The following VPS45 variants were observed in gnomAD, a reference collection of about 807,000 sequenced individuals.
VPS45 encodes vacuolar protein sorting-associated protein 45.
A neutral mutation model predicts 75.9 loss-of-function variants in VPS45; 35 were observed. The ratio of observed to expected loss-of-function variants is 0.46; its 90% CI spans 0.35 to 0.61. VPS45 has a LOEUF of 0.61. Among genes scored for constraint, VPS45 ranks in the 20% least tolerant of loss-of-function variants. The pLI is 0.00. For missense variants in VPS45, 559 were observed against 685.9 expected, an observed-to-expected ratio of 0.81 and a Z score of 2.07; for synonymous variants, 220 against 238.2, an observed-to-expected ratio of 0.92 and a Z score of 0.70.
intron 10 of VPS45, among the ~76,000 whole-genome samples, chr1:150,091,416 A>C (rs1160230180): frequency 3.9e-5 from 6 of 152,206 alleles, no homozygotes; most frequent in African/African-American, 1.4e-4. Flanking sequence ...AAAATCATTA[A>C]GTACTAAATC....
chr1:150,081,663 A>G (rs1655718249), intron 8 of VPS45, among the ~76,000 whole-genome samples, 187 bp downstream of exon 8: 2 of 152,178 alleles, frequency 1.3e-5, no homozygotes, highest in South Asian at 4.1e-4. Flanking sequence ...ATTTTTTTTC[A>G]TAGAGATCAC....
At chr1:150,101,965 G>A (rs782254525) in intron 13 of VPS45, among the ~76,000 whole-genome samples, 2 of 151,958 alleles carry the variant, frequency 1.3e-5, no homozygotes, top group African/African-American at 2.4e-5. Flanking sequence ...AGCTGGACAC[G>A]GTGGCTCACG....
intron 14 of VPS45, among the ~76,000 whole-genome samples, chr1:150,128,353 A>T (rs958347902): frequency 2.0e-5 from 3 of 151,986 alleles, no homozygotes; most frequent in African/African-American, 7.3e-5. Flanking sequence ...TTTTAGTTTC[A>T]TAACTATCTG....
Position 150,093,455 on chromosome 1 carries a change from A to C in VPS45, c.1372-72A>C, listed in dbSNP as rs1455926493. On this transcript the variant is annotated intron_variant, in intron 12 of 14. Coordinates refer to ENST00000644510, the MANE Select transcript of VPS45 (RefSeq NM_007259.5). ...TCTATTGAGTGTATGTCCTTTTCTG[A>C]TATGAATATTATTAATTCTTGTGTT... 7.1e-6 allele frequency: 11 copies of C among 1,549,970 alleles called. No individual in the cohort carries two copies. The South Asian group carries it at 1.2e-4, about 17-fold the overall frequency.
At chr1:150,115,772 A>G (rs1222770005) in intron 14 of VPS45, among the ~76,000 whole-genome samples, 1 of 151,944 alleles carries the variant, frequency 6.6e-6, no homozygotes, top group Non-Finnish European at 1.5e-5. Flanking sequence ...TTTTTAGTCC[A>G]CTTTTTCAGT....
chr1:150,097,913 C>T (rs1400244649), intron 13 of VPS45, among the ~76,000 whole-genome samples: 6 of 152,022 alleles, frequency 3.9e-5, no homozygotes, highest in East Asian at 1.9e-4. Context: ...AGAGTGGTGG[C>T]GTGATTTCAG....
chr1:150,096,744 A>C (rs1553803084), intron 13 of VPS45, among the ~76,000 whole-genome samples: 1 of 152,242 alleles, frequency 6.6e-6, no homozygotes, highest in Middle Eastern at 3.2e-3. Flanking sequence ...ACAAAACTAC[A>C]GTGGGTGTCA....
At chr1:150,075,835 T>C (rs1227076293) in intron 3 of VPS45, among the ~76,000 whole-genome samples, 1 of 152,094 alleles carries the variant, frequency 6.6e-6, no homozygotes, top group Non-Finnish European at 1.5e-5. Context: ...CTGCAAGCTC[T>C]GCCTCCTGGG....
At chr1:150,138,655 T>G in intron 14 of VPS45, among the ~76,000 whole-genome samples, 1 of 152,180 alleles carries the variant, frequency 6.6e-6, no homozygotes, top group Non-Finnish European at 1.5e-5. Context: ...CTCCAGACTC[T>G]GCCAAATGTC....
chr1:150,071,425 A>G (rs1655066431), intron 2 of VPS45, among the ~76,000 whole-genome samples: 1 of 152,244 alleles, frequency 6.6e-6, no homozygotes, highest in Admixed American at 6.5e-5. Context: ...CAAAGTGAAT[A>G]TAATTAACTT....
intron 10 of VPS45, among the ~76,000 whole-genome samples, chr1:150,088,474 C>CCTTTTT (rs1656141227): frequency 1.2e-5 from 1 of 85,726 alleles, no homozygotes; most frequent in Non-Finnish European, 2.0e-5. Context: ...TTTTCTTTTC[C>CCTTTTT]CTTTTTTCTT....
rs968801223 is a variant in VPS45 at position 150,076,130 on chromosome 1, A to G, written c.290-103A>G. 1.0e-5 allele frequency: 6 copies of G among 588,490 alleles called. No individual in the cohort carries two copies. In the East Asian group the frequency reaches 2.1e-4, roughly 20 times the overall value. The allele number at this position is 588,490 out of a possible 1,614,324, so 36.5% of individuals were successfully genotyped here. Reference sequence around the variant, plus strand: ...AAATATATTTTTGCTACCCATTCCAATTTGAAGGTCACTTATTCATTAGGC... The same window carrying G: ...AAATATATTTTTGCTACCCATTCCAGTTTGAAGGTCACTTATTCATTAGGC... On this transcript the variant is annotated intron_variant, in intron 3 of 14. Coordinates refer to ENST00000644510, the MANE Select transcript of VPS45 (RefSeq NM_007259.5).
Position 150,076,964 on chromosome 1 carries a change from A to G in VPS45, c.418A>G (p.Asn140Asp), listed in dbSNP as rs1553798225. 1.9e-6 allele frequency: 3 copies of G among 1,614,072 alleles called. No homozygotes were observed. The East Asian group carries it at 6.7e-5, about 36-fold the overall frequency. Residue 140 changes from asparagine to aspartate, a missense_variant, in exon 5 of 15, where the codon AAT (asparagine) becomes GAT (aspartate). Asn to Asp is a conservative substitution (Grantham distance 23). Transcript: ENST00000644510. ...IAVNPHLFSL[N>D]ILGCCQGRNW... ...TGTGAACCCACATTTGTTTTCCCTC[A>G]ATATTTTGGGTTGCTGCCAGGTATG... is the stretch of plus-strand genomic sequence containing the variant.
At chr1:150,121,687 C>T (rs1658237914) in intron 14 of VPS45, among the ~76,000 whole-genome samples, 1 of 152,116 alleles carries the variant, frequency 6.6e-6, no homozygotes, top group South Asian at 2.1e-4. Flanking sequence ...CTAGAACAGT[C>T]AGGAGTTCTA....
chr1:150,123,725 A>G (rs587708867), intron 14 of VPS45, among the ~76,000 whole-genome samples: 2 of 152,310 alleles, frequency 1.3e-5, no homozygotes, highest in Admixed American at 6.5e-5. Context: ...CCCAATCCAT[A>G]TAGATGGAAT....
At position 150,093,766 on chromosome 1, in the gene VPS45, A is replaced by G. The variant is rs1656476254; in HGVS notation, c.1493+118A>G. 4 of 1,317,932 alleles carry G rather than the reference A, an allele frequency of 3.0e-6. No homozygotes were observed. The Admixed American group carries it at 1.0e-4, about 33-fold the overall frequency. 81.6% of individuals were successfully genotyped at this position (1,317,932 alleles called of 1,614,324 possible). On this transcript the variant is annotated intron_variant, in intron 13 of 14. Transcript: ENST00000644510. ...CATTCTGCTGCTCCTTTCTTCTGTT[A>G]AGATTCTTTTGGTTTTACATATGTC...
chr1:150,113,285 GCT>G (rs1323755567), intron 14 of VPS45, among the ~76,000 whole-genome samples: 4 of 152,070 alleles, frequency 2.6e-5, no homozygotes, highest in African/African-American at 7.2e-5. Flanking sequence ...GGAATTAGGA[GCT>G]CTGTGCCAAG....
At chr1:150,103,886 TC>T (rs1482070330) in intron 13 of VPS45, among the ~76,000 whole-genome samples, 1 of 152,160 alleles carries the variant, frequency 6.6e-6, no homozygotes, top group Non-Finnish European at 1.5e-5. Flanking sequence ...ACCAAGATGG[TC>T]ACTGTACCCC....
intron 14 of VPS45, among the ~76,000 whole-genome samples, chr1:150,142,412 G>T (rs587741568): frequency 9.9e-5 from 15 of 152,270 alleles, no homozygotes; most frequent in African/African-American, 3.6e-4. Flanking sequence ...TGGCCAAAAA[G>T]CCAGGCCAAA....
Sources: allele counts gnomAD v4.1 joint callset (sites outside exome capture counted in the v4.1 genomes callset), GRCh38; gene constraint gnomAD v4.1.1; transcripts MANE v1.5; gene names NCBI Gene and HGNC (gene_info 2026-07-23, HGNC 2026-07-21).